PAPPA2: variants seen among roughly 807,000 people sequenced by gnomAD.
The protein encoded by PAPPA2 is pappalysin-2.
A neutral mutation model predicts 176.4 loss-of-function variants in PAPPA2; 86 were observed. That is an observed-to-expected ratio of 0.49 (90% confidence interval 0.41 to 0.58). The LOEUF is 0.58. PAPPA2 is among the 20% of genes least tolerant of loss of function. The pLI is 0.00. For missense variants in PAPPA2, 2,073 were observed against 2,256.9 expected (o/e 0.92, Z 1.65); for synonymous variants, 809 against 852.2 (o/e 0.95, Z 0.88).
At chr1:176,644,425 C>A (rs1657276320) in intron 3 of PAPPA2, among the ~76,000 whole-genome samples, 1 of 151,696 alleles carries the variant, frequency 6.6e-6, no homozygotes, top group Non-Finnish European at 1.5e-5. Flanking sequence ...TTTTATTATC[C>A]AGCCATCCCT....
chr1:176,837,169 A>G (rs1455067903), intron 21 of PAPPA2, among the ~76,000 whole-genome samples: 9 of 152,138 alleles, frequency 5.9e-5, no homozygotes, highest in Non-Finnish European at 1.0e-4. Context: ...TGTCCATTTC[A>G]TCTGCCTGGA....
rs778397336 is a variant in PAPPA2 at position 176,793,592 on chromosome 1, C to G, written c.5053C>G (p.Pro1685Ala). The G allele has an allele frequency of 1.3e-5, 21 of 1,612,954 alleles. No individual in the cohort carries two copies. The Admixed American group carries it at 2.8e-4, about 22-fold the overall frequency. Residue 1685 changes from proline to alanine, a missense_variant, in exon 20 of 23, where the codon CCC becomes GCC. Pro to Ala is a conservative substitution (Grantham distance 27). Around this residue, in one of 4 missense-constraint regions of PAPPA2, gnomAD observed 846 missense variants for 857.9 expected, o/e 0.99. Transcript: ENST00000367662. ...AVCSPLCVIP[P>A]SDPVMLPENI... is the part of the protein sequence containing the mutation. Reference sequence around the variant, plus strand: ...GTGTTCCCCATTGTGTGTAATCCCCCCCAGTGACCCCGTGATGCTACCTGA... The same window carrying G: ...GTGTTCCCCATTGTGTGTAATCCCCGCCAGTGACCCCGTGATGCTACCTGA...
intron 15 of PAPPA2, among the ~76,000 whole-genome samples, chr1:176,769,078 C>A (rs768217882): frequency 7.9e-5 from 12 of 152,168 alleles, no homozygotes; most frequent in Non-Finnish European, 1.5e-4. Flanking sequence ...GAAAGGTTTA[C>A]CTTAGGAGTG....
Position 176,481,252 on chromosome 1 carries a change from G to GCACACACA in PAPPA2, c.-917+17875_-917+17882dup, listed in dbSNP as rs56206580. On this transcript the variant is annotated intron_variant, in intron 1 of 22. Coordinates refer to ENST00000367662, the MANE Select transcript of PAPPA2 (RefSeq NM_020318.3). Reference sequence around the variant, plus strand: ...TTGATTTAAGCGCTGAGATTTTAAAGCACACACACACACACACACACACAC... The same window carrying GCACACACA: ...TTGATTTAAGCGCTGAGATTTTAAAGCACACACACACACACACACACACACACACACAC... Among the ~76,000 whole-genome samples, 1,298 of 140,238 alleles carry GCACACACA rather than the reference G, an allele frequency of 9.3e-3. 15 individuals carry two copies. The highest frequency in any genetic ancestry group is 0.046 in the East Asian group (197 of 4,318). The allele number at this position is 140,238 out of a possible 152,430, so 92.0% of individuals were successfully genotyped here.
At chr1:176,619,099 C>G (rs1005976879) in intron 3 of PAPPA2, among the ~76,000 whole-genome samples, 5 of 152,082 alleles carry the variant, frequency 3.3e-5, no homozygotes, top group African/African-American at 1.2e-4. Flanking sequence ...CCAGGACATA[C>G]TTCATACGGG....
At chr1:176,576,618 C>G (rs1248250689) in intron 2 of PAPPA2, among the ~76,000 whole-genome samples, 1 of 152,128 alleles carries the variant, frequency 6.6e-6, no homozygotes, top group East Asian at 1.9e-4. Flanking sequence ...AAGGCCCATC[C>G]TCAGGAAACA....
intron 3 of PAPPA2, among the ~76,000 whole-genome samples, chr1:176,611,029 A>G (rs955513638): frequency 6.6e-6 from 1 of 152,174 alleles, no homozygotes; most frequent in Non-Finnish European, 1.5e-5. Flanking sequence ...CTGAATTTTT[A>G]TGATAACTAA....
intron 1 of PAPPA2, among the ~76,000 whole-genome samples, chr1:176,480,964 T>G (rs866307089): frequency 5.9e-5 from 9 of 151,996 alleles, no homozygotes; most frequent in Non-Finnish European, 1.3e-4. Context: ...TACTCCTCTC[T>G]CCTAGGCCTG....
chr1:176,702,832 T>G (rs1660724647), intron 9 of PAPPA2, 97 bp downstream of exon 9: 2 of 1,460,386 alleles, frequency 1.4e-6, no homozygotes, highest in Non-Finnish European at 1.9e-6. Context: ...GACACTGTTC[T>G]CTAAACAGAA....
intron 12 of PAPPA2, among the ~76,000 whole-genome samples, chr1:176,715,919 T>A (rs1661348211): frequency 1.3e-5 from 2 of 152,018 alleles, no homozygotes; most frequent in South Asian, 4.1e-4. Context: ...TGCTGGATTA[T>A]TTAGTAGCTA....
intron 3 of PAPPA2, among the ~76,000 whole-genome samples, chr1:176,668,585 C>T (rs1476915884): frequency 1.3e-5 from 2 of 151,998 alleles, no homozygotes; most frequent in African/African-American, 4.8e-5. Context: ...TCATTAGCTC[C>T]GATTAACTTT....
rs527454697 is a variant in PAPPA2 at position 176,477,278 on chromosome 1, C to T, written c.-917+13860C>T. ...GGCTCAAGAATTGGGGGATATGAGG[C>T]TTAAATTGTAAAACCAGGACTTTCA... On this transcript the variant is annotated intron_variant, in intron 1 of 22. Transcript: ENST00000367662. Among the ~76,000 whole-genome samples the T allele has an allele frequency of 2.5e-4, 38 of 152,182 alleles. No homozygotes were observed. In the South Asian group the frequency reaches 7.7e-3, roughly 31 times the overall value.
intron 1 of PAPPA2, among the ~76,000 whole-genome samples, chr1:176,464,659 A>G (rs1016641229): frequency 1.3e-5 from 2 of 152,216 alleles, no homozygotes; most frequent in Admixed American, 6.5e-5. Flanking sequence ...CTCTTTGCTT[A>G]GGAAATACCC....
intron 3 of PAPPA2, among the ~76,000 whole-genome samples, chr1:176,634,610 TAAAA>T (rs967098313): frequency 2.0e-5 from 3 of 149,640 alleles, no homozygotes; most frequent in Non-Finnish European, 4.5e-5. Context: ...ATATATAAAA[TAAAA>T]AAAAACACTT....
intron 12 of PAPPA2, among the ~76,000 whole-genome samples, chr1:176,733,821 G>A (rs576386094): frequency 2.6e-5 from 4 of 152,232 alleles, no homozygotes; most frequent in East Asian, 3.9e-4. Context: ...CTGTGGAGGA[G>A]TGAAAGAACT....
chr1:176,748,576 T>G (rs1402938261), intron 14 of PAPPA2, among the ~76,000 whole-genome samples: 1 of 152,198 alleles, frequency 6.6e-6, no homozygotes. Flanking sequence ...AAAATGAAAT[T>G]TAATCAGTAA....
At chr1:176,625,595 T>C (rs1655961403) in intron 3 of PAPPA2, among the ~76,000 whole-genome samples, 1 of 152,248 alleles carries the variant, frequency 6.6e-6, no homozygotes, top group Non-Finnish European at 1.5e-5. Flanking sequence ...CATAATTGTC[T>C]GATTATAATT....
intron 2 of PAPPA2, among the ~76,000 whole-genome samples, chr1:176,559,491 G>T (rs568676653): frequency 6.6e-6 from 1 of 152,320 alleles, no homozygotes; most frequent in East Asian, 1.9e-4. Context: ...GCTGCTGAGG[G>T]CTTGGGCATC....
chr1:176,726,444 A>G (rs1299118983), intron 12 of PAPPA2, among the ~76,000 whole-genome samples: 1 of 152,224 alleles, frequency 6.6e-6, no homozygotes, highest in Non-Finnish European at 1.5e-5. Flanking sequence ...TAGTGTTCAA[A>G]ACTGGTGAAT....
Sources: allele counts gnomAD v4.1 joint callset (sites outside exome capture counted in the v4.1 genomes callset), GRCh38; gene constraint gnomAD v4.1.1; regional missense constraint gnomAD v4.1.1; transcripts MANE v1.5; gene names NCBI Gene and HGNC (gene_info 2026-07-23, HGNC 2026-07-21).